The following SIPA1L1 variants were observed in gnomAD, a reference collection of about 807,000 sequenced individuals.
SIPA1L1 encodes signal induced proliferation associated 1 like 1.
SIPA1L1 carries 26 observed loss-of-function variants against 162.7 expected under a neutral mutation model. That is an observed-to-expected ratio of 0.16 (90% CI 0.12 to 0.22). The LOEUF is 0.22. SIPA1L1 is among the 10% of genes least tolerant of loss of function. The probability of loss-of-function intolerance (pLI) is 1.00; values close to 1 mark genes in which losing one functional copy is unlikely to be tolerated. For synonymous variants in SIPA1L1, 829 were observed against 837.4 expected (o/e 0.99, Z 0.17); for missense variants, 1,874 against 2,241.0 (o/e 0.84, Z 3.31).
intron 13 of SIPA1L1, among the ~76,000 whole-genome samples, chr14:71,690,516 G>A (rs1317510146): frequency 6.6e-6 from 1 of 152,102 alleles, no homozygotes; most frequent in East Asian, 1.9e-4. Context: ...CCAAAGTGCT[G>A]GGATCACAGG....
rs1186728872 is a variant in SIPA1L1, at chr14:71,377,188, C to T, written c.-465+56007C>T. Among the ~76,000 whole-genome samples the T allele has an allele frequency of 6.6e-5, 10 of 150,394 alleles. No individual in the cohort carries two copies. Among genetic ancestry groups the T allele is most frequent in the South Asian group, 2.1e-4 (1 of 4,744 alleles). ...CCCACCTCCCAGATGGGGCGGCGGC[C>T]GGGTGGGGGCGCCCCCCCACCTCCC... is the stretch of plus-strand genomic sequence containing the variant. On this transcript the variant is annotated intron_variant, in intron 2 of 23. Transcript: ENST00000381232. The surrounding 1 kb of genome is among the most constrained non-coding windows in gnomAD (Gnocchi z 4.8).
At chr14:71,729,968 A>T (rs1435132117) in intron 19 of SIPA1L1, 87 bp from the exon 20 acceptor site, 1 of 1,444,476 alleles carries the variant, frequency 6.9e-7, no homozygotes, top group Non-Finnish European at 9.5e-7. Flanking sequence ...TGGAGCAGTA[A>T]CTTGGTTATC....
intron 2 of SIPA1L1, among the ~76,000 whole-genome samples, chr14:71,354,056 C>A (rs2036981960): frequency 6.6e-6 from 1 of 151,612 alleles, no homozygotes; most frequent in Non-Finnish European, 1.5e-5. Flanking sequence ...TTTTTTTTTC[C>A]CCGTTTCTCT....
At chr14:71,441,607 A>G (rs945060170) in intron 2 of SIPA1L1, among the ~76,000 whole-genome samples, 3 of 152,210 alleles carry the variant, frequency 2.0e-5, no homozygotes, top group Non-Finnish European at 4.4e-5. Context: ...TTGCCTCTCC[A>G]TGGCAGAGTA....
At chr14:71,573,734 A>T (rs2147079758) in intron 4 of SIPA1L1, 1 of 456,722 alleles carries the variant, frequency 2.2e-6, no homozygotes, top group Non-Finnish European at 4.4e-6. Flanking sequence ...CCCTAAAATG[A>T]AACAATATCC....
intron 5 of SIPA1L1, among the ~76,000 whole-genome samples, chr14:71,603,644 C>A (rs972443556): frequency 1.6e-4 from 25 of 151,898 alleles, no homozygotes; most frequent in Admixed American, 1.4e-3. Context: ...GAAATATAGC[C>A]GGGCATAGTG....
At chr14:71,327,448 T>C (rs2033967135) in intron 2 of SIPA1L1, among the ~76,000 whole-genome samples, 1 of 152,246 alleles carries the variant, frequency 6.6e-6, no homozygotes, top group Non-Finnish European at 1.5e-5. Flanking sequence ...TCATCAGTTC[T>C]TGATGCTCTT....
intron 2 of SIPA1L1, chr14:71,467,304 CCTAT>C (rs1429591351): frequency 6.6e-5 from 10 of 152,156 alleles, no homozygotes; most frequent in Non-Finnish European, 8.8e-5. Flanking sequence ...GTAATATTTG[CCTAT>C]CTATTTATAC....
At chr14:71,608,063 G>A (rs567110954) in intron 5 of SIPA1L1, among the ~76,000 whole-genome samples, 23 of 152,226 alleles carry the variant, frequency 1.5e-4, no homozygotes, top group African/African-American at 5.3e-4. Flanking sequence ...TCCTTTTCCA[G>A]TCTTCTAATG....
intron 5 of SIPA1L1, chr14:71,598,259 G>A (rs1421889678): frequency 1.0e-6 from 1 of 981,476 alleles, no homozygotes; most frequent in Admixed American, 6.1e-5. Flanking sequence ...GGACACAACT[G>A]ATGGAAGCTA....
intron 7 of SIPA1L1, among the ~76,000 whole-genome samples, chr14:71,643,283 A>G (rs1052486184): frequency 6.6e-6 from 1 of 152,238 alleles, no homozygotes; most frequent in African/African-American, 2.4e-5. Context: ...AAAATAAACA[A>G]TGAACATAGG....
chr14:71,538,892 CTG>C (rs1012874218), intron 4 of SIPA1L1, among the ~76,000 whole-genome samples: 3 of 152,154 alleles, frequency 2.0e-5, no homozygotes, highest in Admixed American at 6.5e-5. Context: ...GTTCTTCAGA[CTG>C]TTTTTTGTTT....
intron 2 of SIPA1L1, among the ~76,000 whole-genome samples, chr14:71,393,533 C>T (rs1181169397): frequency 3.3e-5 from 5 of 152,044 alleles, no homozygotes; most frequent in South Asian, 2.1e-4. Flanking sequence ...TGTGGCTGGG[C>T]GTGGAGGCTC....
At chr14:71,598,338 C>G in intron 5 of SIPA1L1, 1 of 491,136 alleles carries the variant, frequency 2.0e-6, no homozygotes, top group Non-Finnish European at 2.6e-6. Flanking sequence ...CCAGGTATCT[C>G]CCTTAAGACA....
intron 2 of SIPA1L1, among the ~76,000 whole-genome samples, chr14:71,364,891 G>T (rs577272980): frequency 6.6e-6 from 1 of 151,090 alleles, no homozygotes; most frequent in Non-Finnish European, 1.5e-5. Context: ...GACTACAGGC[G>T]CATGCCACCA....
At chr14:71,466,394 C>T (rs1434899656) in intron 2 of SIPA1L1, among the ~76,000 whole-genome samples, 1 of 152,194 alleles carries the variant, frequency 6.6e-6, no homozygotes, top group Non-Finnish European at 1.5e-5. Flanking sequence ...GTGTTGCCCA[C>T]ACTGCAAATT....
intron 2 of SIPA1L1, among the ~76,000 whole-genome samples, chr14:71,454,295 C>T (rs1228422375): frequency 2.6e-5 from 4 of 152,046 alleles, no homozygotes; most frequent in African/African-American, 4.8e-5. Flanking sequence ...ATTTTACTTG[C>T]GGAAAAACTA....
At chr14:71,681,426 TAAAG>T (rs1373350169) in intron 12 of SIPA1L1, among the ~76,000 whole-genome samples, 2 of 152,216 alleles carry the variant, frequency 1.3e-5, no homozygotes, top group African/African-American at 2.4e-5. Flanking sequence ...CTATAGTTCT[TAAAG>T]AAAGCAATTA....
chr14:71,415,638 C>T (rs1484423787), intron 2 of SIPA1L1, among the ~76,000 whole-genome samples: 1 of 151,772 alleles, frequency 6.6e-6, no homozygotes, highest in East Asian at 1.9e-4. Context: ...TTTTTTTTTC[C>T]CTCCAGAATA....
Sources: gnomAD v4.1 joint callset for allele counts (sites outside exome capture counted in the v4.1 genomes callset) on GRCh38, gnomAD v4.1.1 for gene constraint, Gnocchi (gnomAD v3.1) non-coding constraint, MANE v1.5 for transcripts, NCBI Gene and HGNC (gene_info 2026-07-23, HGNC 2026-07-21) for gene names.